The following METTL25 variants were observed in gnomAD, a reference collection of about 807,000 sequenced individuals.
METTL25 encodes the protein methyltransferase like 25.
Under a neutral mutation model 71.6 loss-of-function variants are expected in METTL25, and 64 were observed. The ratio of observed to expected loss-of-function variants is 0.89; its 90% CI spans 0.73 to 1.10. METTL25 has a LOEUF of 1.10. Ranked by LOEUF, METTL25 falls within the 50% of genes least tolerant of loss-of-function variation. The pLI is 0.00. For missense variants in METTL25, 807 were observed against 707.0 expected (o/e 1.14, Z -1.60); for synonymous variants, 287 against 250.3 (o/e 1.15, Z -1.38).
At chr12:82,394,311 AT>A (rs1399111411) in intron 3 of METTL25, among the ~76,000 whole-genome samples, 1 of 151,962 alleles carries the variant, frequency 6.6e-6, no homozygotes, top group African/African-American at 2.4e-5. Context: ...CTATTATTAT[AT>A]TTTTAAAATG....
intron 5 of METTL25, among the ~76,000 whole-genome samples, chr12:82,409,993 C>T (rs1028912840): frequency 2.6e-5 from 4 of 151,948 alleles, no homozygotes; most frequent in African/African-American, 7.2e-5. Flanking sequence ...GAGAAGGCTG[C>T]ATATATACAT....
At chr12:82,446,187 A>C (rs562759648) in intron 8 of METTL25, among the ~76,000 whole-genome samples, 1 of 152,288 alleles carries the variant, frequency 6.6e-6, no homozygotes, top group South Asian at 2.1e-4. Context: ...AAATATTAAT[A>C]GATCTAAAGG....
At position 82,389,841 on chromosome 12, in the gene METTL25, T is replaced by G; in HGVS notation, c.450T>G (p.Phe150Leu). Residue 150 changes from phenylalanine (F) to leucine (L), a missense_variant, in exon 3 of 12, where the codon TTT (phenylalanine) becomes TTG (leucine). By Grantham distance (22) the Phe-to-Leu change is conservative. Transcript: ENST00000248306. ...GTGAAAATCAGAAGGCAGTTGAGTT[T>G]ATGAATATGAAGAAATCTCATGAAG... is the stretch of plus-strand genomic sequence containing the variant. The part of the protein sequence containing the change: ...RIGENQKAVE[F>L]MNMKKSHEVQ... The G allele has an allele frequency of 6.2e-7, 1 of 1,604,312 alleles. No homozygotes were observed. Among genetic ancestry groups the G allele is most frequent in the Middle Eastern group, 1.7e-4 (1 of 6,012 alleles).
At chr12:82,401,682 T>G (rs1344965263) in intron 4 of METTL25, among the ~76,000 whole-genome samples, 1 of 152,060 alleles carries the variant, frequency 6.6e-6, no homozygotes, top group Non-Finnish European at 1.5e-5. Context: ...AGCTTTAAGA[T>G]TAATTTTAGT....
chr12:82,403,290 T>C (rs961990165), intron 5 of METTL25, among the ~76,000 whole-genome samples, 160 bp downstream of exon 5: 2 of 152,226 alleles, frequency 1.3e-5, no homozygotes, highest in African/African-American at 2.4e-5. Context: ...TACGGTGTTA[T>C]TGAAATTTAA....
intron 1 of METTL25, among the ~76,000 whole-genome samples, chr12:82,364,531 G>T (rs980474121): frequency 8.5e-5 from 13 of 152,234 alleles, no homozygotes; most frequent in African/African-American, 2.9e-4. Flanking sequence ...GAAAGACTGT[G>T]GCCTACATGT....
intron 3 of METTL25, among the ~76,000 whole-genome samples, chr12:82,390,848 T>TC (rs1885506973): frequency 1.3e-5 from 2 of 152,164 alleles, no homozygotes; most frequent in South Asian, 4.1e-4. Context: ...AGGCAAGCCC[T>TC]CCCCCATGGT....
chr12:82,387,715 G>GCACACACACA (rs34068056), intron 2 of METTL25, among the ~76,000 whole-genome samples: 3 of 150,562 alleles, frequency 2.0e-5, no homozygotes, highest in African/African-American at 7.3e-5. Context: ...ACACACACGC[G>GCACACACACA]CACACACACA....
At chr12:82,403,264 CTT>C in intron 5 of METTL25, 134 bp downstream of exon 5, 1 of 792,654 alleles carries the variant, frequency 1.3e-6, no homozygotes, top group Non-Finnish European at 2.0e-6. Flanking sequence ...ATCTGACTTA[CTT>C]GCACTTTTAG....
chr12:82,473,578 T>C (rs76444553), intron 9 of METTL25, among the ~76,000 whole-genome samples: 1,555 of 152,178 alleles, frequency 0.01, 28 homozygotes, highest in African/African-American at 0.035. Context: ...GCTGTTTTTC[T>C]CAAACCCTGA....
intron 5 of METTL25, among the ~76,000 whole-genome samples, chr12:82,409,422 A>C (rs1887372773): frequency 6.6e-6 from 1 of 152,112 alleles, no homozygotes; most frequent in Non-Finnish European, 1.5e-5. Flanking sequence ...TTCTTCTAGA[A>C]GTTTTGGAGA....
intron 1 of METTL25, among the ~76,000 whole-genome samples, chr12:82,376,159 T>C (rs1337721467): frequency 6.6e-6 from 1 of 152,238 alleles, no homozygotes; most frequent in East Asian, 1.9e-4. Flanking sequence ...TTTATATTTT[T>C]TAAATTATTG....
Position 82,399,389 on chromosome 12 carries a change from T to G in METTL25, c.1126T>G (p.Leu376Val). 1.9e-6 allele frequency: 3 copies of G among 1,564,514 alleles called. No individual in the cohort carries two copies. The highest frequency in any genetic ancestry group is 1.2e-5 in the South Asian group (1 of 82,810). The change falls in exon 4 of 12, where the codon TTG becomes GTG. Residue 376 changes from leucine to valine, a missense_variant. Coordinates refer to ENST00000248306, the MANE Select transcript of METTL25 (RefSeq NM_032230.3). ...DSELHDIIKD[L>V]EDCLMVGLHT... is the part of the protein sequence containing the mutation. ...AGAACTCCATGACATTATTAAAGAT[T>G]TGGAGGTGACTTTACCTTTGAATTA... is the stretch of plus-strand genomic sequence containing the variant.
intron 9 of METTL25, among the ~76,000 whole-genome samples, chr12:82,462,027 T>G (rs1891913351): frequency 6.6e-6 from 1 of 152,204 alleles, no homozygotes; most frequent in Non-Finnish European, 1.5e-5. Context: ...ACAGCTTAAT[T>G]CATGCTAGTT....
intron 8 of METTL25, among the ~76,000 whole-genome samples, chr12:82,448,816 T>G (rs1194689420): frequency 4.6e-5 from 1 of 21,912 alleles, no homozygotes; most frequent in African/African-American, 7.2e-5. Context: ...ACAGCAAAAT[T>G]TTATGTTGAT....
chr12:82,428,891 T>C (rs368351317), intron 5 of METTL25, among the ~76,000 whole-genome samples: 1 of 151,998 alleles, frequency 6.6e-6, no homozygotes, highest in African/African-American at 2.4e-5. Flanking sequence ...TGTTAAGTGC[T>C]GTGTAAATAC....
At position 82,386,869 on chromosome 12, in the gene METTL25, C is replaced by T; in HGVS notation, c.326C>T (p.Ala109Val). 6.2e-7 allele frequency: 1 copy of T among 1,613,474 alleles called. No individual in the cohort carries two copies. Among genetic ancestry groups the T allele is most frequent in the Non-Finnish European group, 8.5e-7 (1 of 1,179,644 alleles). ...SQKLVSVEAF[A>V]LAAKYYSVQN... The stretch of plus-strand genomic sequence containing the variant: ...AAGTTGGTGAGTGTGGAAGCCTTTG[C>T]TCTGGCTGCGAAATACTATTCTGTA... The change falls in exon 2 of 12, where the codon GCT becomes GTT. Residue 109 changes from alanine (A) to valine (V), a missense_variant. Coordinates refer to ENST00000248306, the MANE Select transcript of METTL25 (RefSeq NM_032230.3).
chr12:82,366,816 T>C (rs941045246), intron 1 of METTL25, among the ~76,000 whole-genome samples: 5 of 152,224 alleles, frequency 3.3e-5, no homozygotes, highest in Non-Finnish European at 5.9e-5. Flanking sequence ...CTTATATATT[T>C]TTCTGAATTC....
chr12:82,453,811 C>A (rs111745160), intron 8 of METTL25, among the ~76,000 whole-genome samples: 53 of 152,076 alleles, frequency 3.5e-4, no homozygotes, highest in African/African-American at 1.3e-3. Context: ...TTTCTGCTAG[C>A]TGAGATATTA....
Sources: gnomAD v4.1 joint callset for allele counts (sites outside exome capture counted in the v4.1 genomes callset) on GRCh38, gnomAD v4.1.1 for gene constraint, MANE v1.5 for transcripts, NCBI Gene and HGNC (gene_info 2026-07-23, HGNC 2026-07-21) for gene names.